TENM4: variants seen among roughly 807,000 people sequenced by gnomAD.
TENM4 encodes teneurin transmembrane protein 4.
Under a neutral mutation model 243.3 loss-of-function variants are expected in TENM4, and 82 were observed. The ratio of observed to expected loss-of-function variants is 0.34; its 90% CI spans 0.28 to 0.40. The LOEUF (loss-of-function observed/expected upper bound fraction) is 0.40. Ranked by LOEUF, TENM4 falls within the 10% of genes least tolerant of loss-of-function variation. The pLI is 1.00. For missense variants in TENM4, 3,138 were observed against 3,673.3 expected, an observed-to-expected ratio of 0.85 and a Z score of 3.77; for synonymous variants, 1,412 against 1,456.3, an observed-to-expected ratio of 0.97 and a Z score of 0.69.
At chr11:79,374,552 C>CTATATATCTATATATAGA (rs11281237) in intron 1 of TENM4, among the ~76,000 whole-genome samples, 2 of 150,834 alleles carry the variant, frequency 1.3e-5, no homozygotes, top group African/African-American at 4.9e-5. Context: ...ATCTATATAT[C>CTATATATCTATATATAGA]TATATAGATA....
At chr11:78,869,918 C>T (rs1349904048) in intron 9 of TENM4, among the ~76,000 whole-genome samples, 3 of 152,044 alleles carry the variant, frequency 2.0e-5, no homozygotes, top group Non-Finnish European at 4.4e-5. Flanking sequence ...AAGCATGGGC[C>T]CCCATCCTTT....
intron 15 of TENM4, among the ~76,000 whole-genome samples, chr11:78,798,647 A>G (rs1591031491): frequency 6.6e-6 from 1 of 151,678 alleles, no homozygotes; most frequent in Non-Finnish European, 1.5e-5. Flanking sequence ...CCTGCCACCC[A>G]CCCCTGCAGC....
intron 2 of TENM4, among the ~76,000 whole-genome samples, chr11:79,287,604 A>C (rs1317487934): frequency 1.3e-5 from 2 of 152,190 alleles, no homozygotes; most frequent in Non-Finnish European, 2.9e-5. Context: ...CTGGTTCCCC[A>C]ACAAGTAGGG....
chr11:79,368,988 G>A (rs867670200), intron 1 of TENM4, among the ~76,000 whole-genome samples: 4 of 152,248 alleles, frequency 2.6e-5, no homozygotes, highest in Middle Eastern at 3.4e-3. Flanking sequence ...AAGCTTTGTT[G>A]AGGGGGCTTT....
chr11:79,055,551 T>C (rs1859921178), intron 6 of TENM4, among the ~76,000 whole-genome samples: 1 of 152,230 alleles, frequency 6.6e-6, no homozygotes, highest in Non-Finnish European at 1.5e-5. Flanking sequence ...CTATTTATTA[T>C]TATTTTAAAT....
intron 2 of TENM4, among the ~76,000 whole-genome samples, chr11:79,281,016 A>G (rs999416292): frequency 4.6e-5 from 7 of 152,230 alleles, no homozygotes; most frequent in Non-Finnish European, 5.9e-5. Context: ...TGGAATGAGT[A>G]AAGGGTTGAG....
chr11:79,271,705 C>G (rs1405471053), intron 2 of TENM4, among the ~76,000 whole-genome samples: 2 of 152,334 alleles, frequency 1.3e-5, no homozygotes, highest in East Asian at 3.9e-4. Context: ...CTGGCACGGG[C>G]TCTTCAGCCC....
chr11:79,295,853 TAA>T (rs751221773), intron 2 of TENM4, among the ~76,000 whole-genome samples: 1,292 of 75,802 alleles, frequency 0.017, 21 homozygotes, highest in African/African-American at 0.07. Flanking sequence ...ATTACACCCG[TAA>T]GTGTTTTTTT....
At chr11:79,409,099 T>TGTGC (rs1555065578) in intron 1 of TENM4, among the ~76,000 whole-genome samples, 2 of 101,066 alleles carry the variant, frequency 2.0e-5, no homozygotes, top group East Asian at 5.1e-4. Context: ...TGTGTGTGTG[T>TGTGC]GTGCGCGCGC....
At chr11:78,919,648 A>G (rs1382740670) in intron 6 of TENM4, among the ~76,000 whole-genome samples, 1 of 152,158 alleles carries the variant, frequency 6.6e-6, no homozygotes, top group African/African-American at 2.4e-5. Flanking sequence ...ACAAAGGGAA[A>G]CAGGGTCAGG....
intron 12 of TENM4, among the ~76,000 whole-genome samples, chr11:78,847,966 C>T (rs1394319339): frequency 6.6e-6 from 1 of 152,120 alleles, no homozygotes; most frequent in Non-Finnish European, 1.5e-5. Context: ...TAGCACAGGC[C>T]AGTGTTCTTT....
At position 79,170,160 on chromosome 11, in the gene TENM4, A is replaced by C. The variant is rs200632777; in HGVS notation, c.-162-21354T>G. ...GGGACCTGGTGGTCTCAGTGGTCTA[A>C]TGGGGAACACCAGAGGCAAAATATA... On this transcript the variant is annotated intron_variant, in intron 3 of 33. Transcript: ENST00000278550. Among the ~76,000 whole-genome samples the C allele has an allele frequency of 2.6e-5, 4 of 152,074 alleles. No individual in the cohort carries two copies. The East Asian group carries it at 7.7e-4, about 29-fold the overall frequency.
At chr11:78,844,986 T>C (rs1343415319) in intron 12 of TENM4, among the ~76,000 whole-genome samples, 1 of 152,202 alleles carries the variant, frequency 6.6e-6, no homozygotes, top group Non-Finnish European at 1.5e-5. Context: ...TTAATAATTA[T>C]TTGTACACTG....
At chr11:79,217,109 A>C (rs990168649) in intron 2 of TENM4, among the ~76,000 whole-genome samples, 1 of 152,114 alleles carries the variant, frequency 6.6e-6, no homozygotes, top group Non-Finnish European at 1.5e-5. Flanking sequence ...GATTTTCAGG[A>C]CTCTGGGACA....
In TENM4 at chr11:79,123,749, C is replaced by G. The variant is rs565264880; in HGVS notation, c.-66+24961G>C. Among the ~76,000 whole-genome samples, 16 of 152,246 alleles carry G rather than the reference C, an allele frequency of 1.1e-4. No individual in the cohort carries two copies. The South Asian group carries it at 2.9e-3, about 28-fold the overall frequency. ...CTCCTTCCTTAGAGCTCTAACCTAG[C>G]CTTCAGGCCATTCTCTAGGATGAAC... is the stretch of plus-strand genomic sequence containing the variant. On this transcript the variant is annotated intron_variant, in intron 4 of 33. Transcript: ENST00000278550.
intron 6 of TENM4, among the ~76,000 whole-genome samples, chr11:79,047,097 C>T (rs1252467170): frequency 1.3e-5 from 2 of 152,150 alleles, no homozygotes; most frequent in African/African-American, 2.4e-5. Flanking sequence ...CACGGCATTA[C>T]CTTGAAATAA....
chr11:79,276,499 T>C (rs1856058479), intron 2 of TENM4, among the ~76,000 whole-genome samples: 1 of 150,096 alleles, frequency 6.7e-6, no homozygotes, highest in East Asian at 2.0e-4. Flanking sequence ...GGTGGGAGAA[T>C]GTGCAAAGAG....
chr11:78,916,914 A>C (rs1046339088), intron 6 of TENM4, among the ~76,000 whole-genome samples: 1 of 152,210 alleles, frequency 6.6e-6, no homozygotes. Flanking sequence ...TAAGATCCCA[A>C]TACAAGCTTC....
At chr11:78,735,625 C>G (rs1855769241) in intron 20 of TENM4, among the ~76,000 whole-genome samples, 2 of 152,214 alleles carry the variant, frequency 1.3e-5, no homozygotes, top group African/African-American at 4.8e-5. Context: ...AAAGGGAAGG[C>G]CTGGTTATCA....
Sources: allele counts gnomAD v4.1 joint callset (sites outside exome capture counted in the v4.1 genomes callset), GRCh38; gene constraint gnomAD v4.1.1; transcripts MANE v1.5; gene names NCBI Gene and HGNC (gene_info 2026-07-23, HGNC 2026-07-21).